CADM2: variants seen among roughly 807,000 people sequenced by gnomAD.
CADM2 encodes the protein cell adhesion molecule 2, also known as immunoglobulin superfamily member 4D.
A neutral mutation model predicts 49.8 loss-of-function variants in CADM2; 12 were observed. The ratio of observed to expected loss-of-function variants is 0.24; its 90% CI spans 0.15 to 0.39. The LOEUF (loss-of-function observed/expected upper bound fraction) is 0.39, where lower values mean the gene tolerates loss of function less well. CADM2 is among the 10% of genes least tolerant of loss of function. The pLI, the probability that CADM2 is intolerant of heterozygous loss-of-function variation, is 1.00. For missense variants in CADM2, 378 were observed against 492.3 expected (o/e 0.77, Z 2.20); for synonymous variants, 214 against 175.4 (o/e 1.22, Z -1.74).
chr3:85,430,391 G>A (rs2036604620), intron 1 of CADM2, among the ~76,000 whole-genome samples: 1 of 152,044 alleles, frequency 6.6e-6, no homozygotes, highest in South Asian at 2.1e-4. Context: ...GGCTCAGGAT[G>A]CCTGTAAGCC....
chr3:85,406,972 G>A (rs993822601), intron 1 of CADM2, among the ~76,000 whole-genome samples: 7 of 152,080 alleles, frequency 4.6e-5, no homozygotes, highest in African/African-American at 1.4e-4. Context: ...GAGGTGGGAG[G>A]ATCCCTTCAG....
chr3:85,565,226 AG>A (rs57400427), intron 1 of CADM2, among the ~76,000 whole-genome samples: 75,642 of 148,980 alleles, frequency 0.51, 22,310 homozygotes, highest in East Asian at 0.84. Context: ...TTAGTCGAGA[AG>A]AAAAAAAATA....
chr3:84,959,576 C>G lies in CADM2; in HGVS notation c.-32C>G. 3 of 1,533,644 alleles carry G rather than the reference C, an allele frequency of 2.0e-6. No individual in the cohort carries two copies. The highest frequency in any genetic ancestry group is 1.7e-6 in the Non-Finnish European group (2 of 1,143,700). On this transcript the variant is annotated 5_prime_UTR_variant, in exon 1 of 10. Coordinates refer to ENST00000383699, the MANE Select transcript of CADM2 (RefSeq NM_001167675.2). ...GCTCACCAGCATCTACTTGCCCCCTCGTTCCTTCCCCAGCCCTTTAGAGAA... is the reference window on the plus strand; with the variant it reads ...GCTCACCAGCATCTACTTGCCCCCTGGTTCCTTCCCCAGCCCTTTAGAGAA...
At chr3:85,065,790 G>C (rs571276325) in intron 1 of CADM2, among the ~76,000 whole-genome samples, 12 of 152,284 alleles carry the variant, frequency 7.9e-5, no homozygotes, top group Non-Finnish European at 1.5e-4. Flanking sequence ...TCAATGTCAA[G>C]TGTGTATACC....
chr3:85,154,669 A>G (rs920227528), intron 1 of CADM2, among the ~76,000 whole-genome samples: 5 of 150,688 alleles, frequency 3.3e-5, no homozygotes, highest in East Asian at 3.9e-4. Context: ...GAAGGAAAAA[A>G]TGTTAAGGGC....
At chr3:85,723,241 T>C (rs192754886) in intron 1 of CADM2, among the ~76,000 whole-genome samples, 267 of 152,304 alleles carry the variant, frequency 1.8e-3, no homozygotes, top group African/African-American at 6.2e-3. Flanking sequence ...AATTTGCTGC[T>C]TTTATTATAA....
chr3:85,879,881 G>A lies in CADM2; in HGVS notation c.239-3410G>A, dbSNP rs565498956. ...AAGTGTGTGTGTGTTTATATGTTTAGTTCTAGACAATGTTGTTACATGTGT... is the reference window on the plus strand; with the variant it reads ...AAGTGTGTGTGTGTTTATATGTTTAATTCTAGACAATGTTGTTACATGTGT... On this transcript the variant is annotated intron_variant, in intron 3 of 9. Transcript: ENST00000383699. 2.2e-3 allele frequency among the ~76,000 whole-genome samples: 332 copies of A among 152,116 alleles called. 1 individual carries two copies. Among genetic ancestry groups the A allele is most frequent in the Non-Finnish European group, 3.7e-3 (252 of 68,000 alleles).
chr3:85,363,057 A>C (rs1370718241), intron 1 of CADM2, among the ~76,000 whole-genome samples: 1 of 152,192 alleles, frequency 6.6e-6, no homozygotes, highest in African/African-American at 2.4e-5. Flanking sequence ...CTGAGTACTC[A>C]AAGTCTCCTT....
intron 8 of CADM2, among the ~76,000 whole-genome samples, chr3:85,977,000 T>C (rs1192697291): frequency 3.3e-5 from 5 of 151,516 alleles, no homozygotes; most frequent in Non-Finnish European, 4.4e-5. Flanking sequence ...GTTTGCTTTA[T>C]ACAAGAATGC....
chr3:85,011,734 A>C (rs1476216617), intron 1 of CADM2, among the ~76,000 whole-genome samples: 1 of 151,454 alleles, frequency 6.6e-6, no homozygotes, highest in African/African-American at 2.4e-5. Flanking sequence ...TTTTTTTTTT[A>C]AGTTAGCCAG....
chr3:85,094,055 A>G (rs921304866), intron 1 of CADM2, among the ~76,000 whole-genome samples: 1 of 152,124 alleles, frequency 6.6e-6, no homozygotes, highest in Non-Finnish European at 1.5e-5. Context: ...TTGAAATATA[A>G]TGAGGCAAAT....
chr3:85,769,392 A>G (rs1159487075), intron 2 of CADM2, among the ~76,000 whole-genome samples: 1 of 116,370 alleles, frequency 8.6e-6, no homozygotes, highest in African/African-American at 3.5e-5. Context: ...ATATATACAT[A>G]TATAGTATAT....
chr3:85,271,068 A>G (rs948725635), intron 1 of CADM2, among the ~76,000 whole-genome samples: 2 of 151,324 alleles, frequency 1.3e-5, no homozygotes, highest in African/African-American at 4.8e-5. Context: ...CTGAAACACC[A>G]TATGAAGTTT....
intron 1 of CADM2, among the ~76,000 whole-genome samples, chr3:85,546,756 C>T (rs2061677791): frequency 6.6e-6 from 1 of 151,892 alleles, no homozygotes; most frequent in African/African-American, 2.4e-5. Context: ...GAAAAGATTA[C>T]AGAGTCAAAT....
intron 1 of CADM2, among the ~76,000 whole-genome samples, chr3:85,062,873 A>G (rs530884163): frequency 5.3e-5 from 8 of 151,990 alleles, no homozygotes; most frequent in African/African-American, 1.9e-4. Flanking sequence ...ATACACAAAT[A>G]TTATTTAATT....
intron 8 of CADM2, among the ~76,000 whole-genome samples, chr3:85,972,272 C>T (rs192806096): frequency 6.6e-6 from 1 of 151,712 alleles, no homozygotes; most frequent in East Asian, 2.0e-4. Flanking sequence ...TCAGTCAGTG[C>T]AATTAGTAGT....
At chr3:85,098,535 G>A (rs1410328459) in intron 1 of CADM2, among the ~76,000 whole-genome samples, 2 of 152,116 alleles carry the variant, frequency 1.3e-5, no homozygotes, top group Admixed American at 6.6e-5. Flanking sequence ...GTAAGGGGGA[G>A]ATAAGTCACT....
intron 1 of CADM2, among the ~76,000 whole-genome samples, chr3:84,964,738 C>T (rs1304745392): frequency 6.6e-6 from 1 of 152,172 alleles, no homozygotes; most frequent in Non-Finnish European, 1.5e-5. Flanking sequence ...AGCTCTGAGC[C>T]TCACATAGCT....
intron 1 of CADM2, among the ~76,000 whole-genome samples, chr3:85,050,222 A>T (rs1270029670): frequency 6.6e-6 from 1 of 152,090 alleles, no homozygotes. Flanking sequence ...GCTTAAGGCT[A>T]AAGATGACCA....
Sources: allele counts gnomAD v4.1 joint callset (sites outside exome capture counted in the v4.1 genomes callset), GRCh38; gene constraint gnomAD v4.1.1; transcripts MANE v1.5; gene names NCBI Gene and HGNC (gene_info 2026-07-23, HGNC 2026-07-21).